The following MARCHF1 variants were observed in gnomAD, a reference collection of about 807,000 sequenced individuals.
The protein encoded by MARCHF1 is E3 ubiquitin-protein ligase MARCHF1.
A neutral mutation model predicts 54.2 loss-of-function variants in MARCHF1; 40 were observed. The ratio of observed to expected loss-of-function variants is 0.74; its 90% CI spans 0.57 to 0.96. The LOEUF is 0.96. MARCHF1 is among the 40% of genes least tolerant of loss of function. The pLI, the probability that MARCHF1 is intolerant of heterozygous loss-of-function variation, is 0.00. For missense variants in MARCHF1, 586 were observed against 656.5 expected (o/e 0.89, Z 1.17); for synonymous variants, 236 against 236.3 (o/e 1.00, Z 0.01).
chr4:163,844,872 T>C (rs1174552389), intron 4 of MARCHF1, among the ~76,000 whole-genome samples: 1 of 152,204 alleles, frequency 6.6e-6, no homozygotes, highest in Non-Finnish European at 1.5e-5. Context: ...GTGTTGCAGA[T>C]GGAGAATCAG....
At chr4:163,823,220 A>T (rs914925018) in intron 4 of MARCHF1, among the ~76,000 whole-genome samples, 4 of 151,820 alleles carry the variant, frequency 2.6e-5, no homozygotes, top group African/African-American at 9.7e-5. Flanking sequence ...TACAATTCTA[A>T]TTGCTTTTCC....
chr4:164,189,929 G>T, intron 1 of MARCHF1: 2 of 1,568,170 alleles, frequency 1.3e-6, no homozygotes, highest in South Asian at 1.1e-5. Flanking sequence ...AGGGTACAGG[G>T]AACAAAAATA....
intron 3 of MARCHF1, among the ~76,000 whole-genome samples, chr4:163,892,537 T>C (rs1015716054): frequency 1.5e-4 from 22 of 151,162 alleles, no homozygotes; most frequent in Admixed American, 5.3e-4. Context: ...ACAGATATAA[T>C]ATGTAACTAA....
At chr4:164,216,499 T>C (rs758102446) in intron 1 of MARCHF1, among the ~76,000 whole-genome samples, 1 of 152,160 alleles carries the variant, frequency 6.6e-6, no homozygotes, top group Non-Finnish European at 1.5e-5. Flanking sequence ...GGAATAGCAG[T>C]AGATTGAAAA....
intron 4 of MARCHF1, among the ~76,000 whole-genome samples, chr4:163,720,780 C>G (rs1247826221): frequency 6.6e-6 from 1 of 152,148 alleles, no homozygotes; most frequent in East Asian, 1.9e-4. Context: ...ATTTTATTCT[C>G]TTTGAAGCAA....
At chr4:163,739,580 A>G (rs1241196788) in intron 4 of MARCHF1, among the ~76,000 whole-genome samples, 1 of 152,168 alleles carries the variant, frequency 6.6e-6, no homozygotes, top group Non-Finnish European at 1.5e-5. Flanking sequence ...TCCTCTTACA[A>G]GTTTTAACGA....
intron 3 of MARCHF1, among the ~76,000 whole-genome samples, chr4:163,877,950 G>A (rs1319653904): frequency 6.6e-6 from 1 of 152,168 alleles, no homozygotes; most frequent in Non-Finnish European, 1.5e-5. Context: ...GGAAGTGAAA[G>A]CAGAGGATAG....
At chr4:163,591,857 C>T (rs1740602127) in intron 7 of MARCHF1, among the ~76,000 whole-genome samples, 1 of 152,108 alleles carries the variant, frequency 6.6e-6, no homozygotes, top group African/African-American at 2.4e-5. Context: ...ATTTTATACC[C>T]TATCTGAGCA....
At chr4:163,554,237 T>G (rs533239604) in intron 8 of MARCHF1, among the ~76,000 whole-genome samples, 1 of 152,222 alleles carries the variant, frequency 6.6e-6, no homozygotes, top group Admixed American at 6.5e-5. Context: ...TGTACTGATA[T>G]GCTTGTCACG....
At chr4:163,556,448 A>G (rs1484424453) in intron 8 of MARCHF1, among the ~76,000 whole-genome samples, 1 of 152,076 alleles carries the variant, frequency 6.6e-6, no homozygotes, top group Non-Finnish European at 1.5e-5. Flanking sequence ...CTGACAATCC[A>G]TTGTTGATGC....
At chr4:163,734,332 T>C (rs1266465787) in intron 4 of MARCHF1, among the ~76,000 whole-genome samples, 1 of 152,132 alleles carries the variant, frequency 6.6e-6, no homozygotes, top group East Asian at 1.9e-4. Context: ...TAGGTATTTA[T>C]CCAGTGAAAA....
intron 2 of MARCHF1, among the ~76,000 whole-genome samples, chr4:164,014,955 A>G (rs1753504853): frequency 6.6e-6 from 1 of 152,176 alleles, no homozygotes; most frequent in African/African-American, 2.4e-5. Context: ...ACCCATTTTC[A>G]GCATTGGACA....
intron 1 of MARCHF1, among the ~76,000 whole-genome samples, chr4:164,361,239 A>C (rs1337404169): frequency 6.6e-6 from 1 of 152,042 alleles, no homozygotes; most frequent in Admixed American, 6.6e-5. Flanking sequence ...TCACACTTGC[A>C]TTTAAAAATG....
chr4:163,914,946 A>G (rs56885967), intron 3 of MARCHF1, among the ~76,000 whole-genome samples: 1,828 of 152,266 alleles, frequency 0.012, 39 homozygotes, highest in African/African-American at 0.042. Flanking sequence ...TGGCTGGGGC[A>G]TACTGGGGCA....
intron 1 of MARCHF1, chr4:164,189,368 A>G: frequency 1.6e-6 from 1 of 628,972 alleles, no homozygotes; most frequent in South Asian, 2.0e-5. Flanking sequence ...TAAGAGCTAA[A>G]CATGGATCTG....
intron 3 of MARCHF1, among the ~76,000 whole-genome samples, chr4:163,865,820 T>C (rs1750035037): frequency 6.6e-6 from 1 of 151,746 alleles, no homozygotes; most frequent in Non-Finnish European, 1.5e-5. Flanking sequence ...TAGGTTTATT[T>C]TGGGGATTTT....
intron 5 of MARCHF1, among the ~76,000 whole-genome samples, chr4:163,689,256 G>A (rs1160061799): frequency 6.6e-6 from 1 of 151,868 alleles, no homozygotes; most frequent in African/African-American, 2.4e-5. Flanking sequence ...AAGCTGAATG[G>A]CAAGTATTAG....
chr4:164,054,672 G>A (rs377083583), intron 2 of MARCHF1, among the ~76,000 whole-genome samples: 2,629 of 149,668 alleles, frequency 0.018, 26 homozygotes, highest in African/African-American at 0.031. Flanking sequence ...GTAAACTATC[G>A]CAAGAACAAA....
In MARCHF1 at chr4:163,594,751, AAAACAC is replaced by A. The variant is rs1351490899; in HGVS notation, c.1011-8828_1011-8823del. Among the ~76,000 whole-genome samples the A allele has an allele frequency of 7.9e-3, 755 of 95,142 alleles. 6 individuals are homozygous for A. The highest frequency in any genetic ancestry group is 0.021 in the African/African-American group (415 of 19,488). 62.4% of individuals were successfully genotyped at this position (95,142 alleles called of 152,430 possible). Reference sequence around the variant, plus strand: ...CGCACCCATCAGAATGGCTATTATCAAAACACAAACACACACACACACACACACACA... The same window carrying A: ...CGCACCCATCAGAATGGCTATTATCAAAACACACACACACACACACACACA... On this transcript the variant is annotated intron_variant, in intron 7 of 9. Transcript: ENST00000514618.
Sources: allele counts gnomAD v4.1 joint callset (sites outside exome capture counted in the v4.1 genomes callset), GRCh38; gene constraint gnomAD v4.1.1; transcripts MANE v1.5; gene names NCBI Gene and HGNC (gene_info 2026-07-23, HGNC 2026-07-21).